PARD3B: variants seen among roughly 807,000 people sequenced by gnomAD.
The protein encoded by PARD3B is par-3 family cell polarity regulator beta.
In PARD3B, 103 loss-of-function variants were observed where a neutral mutation model predicts 130.2. That is an observed-to-expected ratio of 0.79 (90% CI 0.67 to 0.93). The LOEUF is 0.93. PARD3B is among the 40% of genes least tolerant of loss of function. The pLI is 0.00. For synonymous variants in PARD3B, 583 were observed against 553.2 expected (o/e 1.05, Z -0.76); for missense variants, 1,609 against 1,499.2 (o/e 1.07, Z -1.21).
At chr2:205,023,983 T>C (rs1162070114) in intron 3 of PARD3B, among the ~76,000 whole-genome samples, 1 of 152,038 alleles carries the variant, frequency 6.6e-6, no homozygotes, top group Non-Finnish European at 1.5e-5. Flanking sequence ...GAAAATCCCT[T>C]AACTCTTGGT....
At chr2:205,583,400 T>TGTGCGCGC (rs1192785640) in intron 22 of PARD3B, among the ~76,000 whole-genome samples, 3 of 133,890 alleles carry the variant, frequency 2.2e-5, no homozygotes, top group South Asian at 2.3e-4. Flanking sequence ...TGTGTGTGTG[T>TGTGCGCGC]GCGCGCGCAC....
chr2:205,529,871 G>A (rs994295602), intron 21 of PARD3B, among the ~76,000 whole-genome samples: 5 of 152,084 alleles, frequency 3.3e-5, no homozygotes, highest in South Asian at 2.1e-4. Flanking sequence ...TCTTTGAAGC[G>A]CCTTTTTAGA....
intron 2 of PARD3B, among the ~76,000 whole-genome samples, chr2:204,778,146 CAAAAA>C (rs35683519): frequency 3.7e-5 from 4 of 109,324 alleles, no homozygotes; most frequent in East Asian, 2.6e-4. Flanking sequence ...CACCCTCTAT[CAAAAA>C]AAAAAAAAAA....
intron 19 of PARD3B, among the ~76,000 whole-genome samples, chr2:205,432,316 CAG>C: frequency 6.6e-6 from 1 of 152,278 alleles, no homozygotes; most frequent in Non-Finnish European, 1.5e-5. Flanking sequence ...ACAAAGCAGT[CAG>C]AGAGCCCTTT....
chr2:204,609,787 T>C (rs1194927804), intron 1 of PARD3B, among the ~76,000 whole-genome samples: 1 of 152,116 alleles, frequency 6.6e-6, no homozygotes, highest in Non-Finnish European at 1.5e-5. Flanking sequence ...ATCTAATCTC[T>C]TCTAGATGCA....
intron 15 of PARD3B, among the ~76,000 whole-genome samples, chr2:205,211,999 G>T (rs1265280410): frequency 2.0e-5 from 3 of 152,060 alleles, no homozygotes; most frequent in Non-Finnish European, 1.5e-5. Flanking sequence ...AAGGAAAAAT[G>T]AGTTCCATTA....
chr2:204,553,739 A>T (rs919840032), intron 1 of PARD3B, among the ~76,000 whole-genome samples: 2 of 146,610 alleles, frequency 1.4e-5, no homozygotes, highest in African/African-American at 5.1e-5. Flanking sequence ...ATTAAAAGAG[A>T]GACTGAATTA....
chr2:204,716,408 TA>T lies in PARD3B; in HGVS notation c.222+30127del, dbSNP rs1244038156. On this transcript the variant is annotated intron_variant, in intron 2 of 22. Coordinates refer to ENST00000406610, the MANE Select transcript of PARD3B (RefSeq NM_001302769.2). ...CATGAAAATTTGAAAAACACTGGCT[TA>T]GGGGGCCAGAGTTATACTGCCATCT... 2.0e-5 allele frequency among the ~76,000 whole-genome samples: 3 copies of T among 151,918 alleles called. No homozygotes were observed. In the East Asian group the frequency reaches 5.8e-4, roughly 30 times the overall value.
intron 2 of PARD3B, among the ~76,000 whole-genome samples, chr2:204,935,257 C>T (rs1396633196): frequency 2.0e-5 from 3 of 151,012 alleles, no homozygotes; most frequent in South Asian, 4.2e-4. Context: ...AGGCTGTGCG[C>T]AGTGGCTCAC....
rs879436970 is a variant in PARD3B, at chr2:204,906,983, C to CT, written c.223-58159dup. On this transcript the variant is annotated intron_variant, in intron 2 of 22. Transcript: ENST00000406610. The surrounding 1 kb of genome is among the most constrained non-coding windows in gnomAD (Gnocchi z 4.3). ...GATTTTTAAGTGGAAAACATGAAAG[C>CT]TTTTTTTTTTCTTTTCAGACTGAGT... Among the ~76,000 whole-genome samples, 319 of 149,192 alleles carry CT rather than the reference C, an allele frequency of 2.1e-3. 3 individuals are homozygous for CT. Among genetic ancestry groups the CT allele is most frequent in the Middle Eastern group, 0.021 (6 of 286 alleles).
intron 15 of PARD3B, among the ~76,000 whole-genome samples, chr2:205,228,021 T>C (rs2038650591): frequency 1.3e-5 from 2 of 152,202 alleles, no homozygotes; most frequent in Non-Finnish European, 2.9e-5. Flanking sequence ...TTTTTAACTT[T>C]TGATTGTTTC....
chr2:205,552,624 G>C (rs2052699127), intron 21 of PARD3B, among the ~76,000 whole-genome samples: 1 of 152,008 alleles, frequency 6.6e-6, no homozygotes, highest in Non-Finnish European at 1.5e-5. Context: ...GGCCAGTCTG[G>C]TCTCAGACTC....
chr2:204,583,622 TAAAAAA>T (rs1183973275), intron 1 of PARD3B, among the ~76,000 whole-genome samples: 117 of 70,750 alleles, frequency 1.7e-3, no homozygotes, highest in African/African-American at 5.0e-3. Flanking sequence ...ACTTAAAGTA[TAAAAAA>T]AAAAAAAAAA....
At chr2:205,243,469 A>G (rs933021957) in intron 15 of PARD3B, among the ~76,000 whole-genome samples, 4 of 152,232 alleles carry the variant, frequency 2.6e-5, no homozygotes, top group African/African-American at 9.6e-5. Context: ...ATTCCAATTC[A>G]GAAAGATTAT....
Position 205,183,666 on chromosome 2 carries a change from C to A in PARD3B, c.1925-2098C>A, listed in dbSNP as rs898652426. Among the ~76,000 whole-genome samples the A allele has an allele frequency of 6.6e-6, 1 of 151,396 alleles. No individual in the cohort carries two copies. The highest frequency in any genetic ancestry group is 2.4e-5 in the African/African-American group (1 of 41,192). On this transcript the variant is annotated intron_variant, in intron 13 of 22. Transcript: ENST00000406610. This position sits in a 1 kb window ranked among gnomAD's most constrained non-coding sequence, Gnocchi z 5.2. ...CTCCACATCAGTCTAGTGCCTGGGGCAGAGCTTGGAGCAAGTCCTTGCCTT... is the reference window on the plus strand; with the variant it reads ...CTCCACATCAGTCTAGTGCCTGGGGAAGAGCTTGGAGCAAGTCCTTGCCTT...
chr2:204,836,705 A>G (rs28534670), intron 2 of PARD3B, among the ~76,000 whole-genome samples: 14 of 152,282 alleles, frequency 9.2e-5, no homozygotes, highest in Admixed American at 5.2e-4. Context: ...CGATTATACT[A>G]TAGAGCAAAA....
intron 16 of PARD3B, among the ~76,000 whole-genome samples, chr2:205,250,598 A>G (rs2039800571): frequency 6.6e-6 from 1 of 152,182 alleles, no homozygotes; most frequent in Non-Finnish European, 1.5e-5. Context: ...GTATCCTAAC[A>G]CAGTTTGATG....
intron 18 of PARD3B, among the ~76,000 whole-genome samples, chr2:205,393,066 CT>C (rs1037304378): frequency 5.1e-4 from 78 of 152,066 alleles, no homozygotes; most frequent in African/African-American, 1.7e-3. Flanking sequence ...AAGAAAAGAC[CT>C]TCGTGACACA....
At position 205,473,703 on chromosome 2, in the gene PARD3B, TATATATAC is replaced by T. The variant is rs10564721; in HGVS notation, c.3045-26191_3045-26184del. Among the ~76,000 whole-genome samples, 8,612 of 131,822 alleles carry T rather than the reference TATATATAC, an allele frequency of 0.065. 900 individuals are homozygous for T. Among genetic ancestry groups the T allele is most frequent in the African/African-American group, 0.24 (7,982 of 32,824 alleles). The allele number at this position is 131,822 out of a possible 152,430, so 86.5% of individuals were successfully genotyped here. On this transcript the variant is annotated intron_variant, in intron 20 of 22. Transcript: ENST00000406610. The surrounding 1 kb of genome is among the most constrained non-coding windows in gnomAD (Gnocchi z 4.9). ...GTGTATGTATATATATATATATATA[TATATATAC>T]ACACACACGTATATAAAACCCTAAA...
Sources: gnomAD v4.1 joint callset for allele counts (sites outside exome capture counted in the v4.1 genomes callset) on GRCh38, gnomAD v4.1.1 for gene constraint, Gnocchi (gnomAD v3.1) non-coding constraint, MANE v1.5 for transcripts, NCBI Gene and HGNC (gene_info 2026-07-23, HGNC 2026-07-21) for gene names.